Variants in PTCHD1 observed in about 807,000 individuals in gnomAD.
PTCHD1 encodes patched domain containing 1, also known as patched domain-containing protein 1.
Under a neutral mutation model 34.6 loss-of-function variants are expected in PTCHD1, and 3 were observed. The observed-to-expected ratio is 0.09, with a 90% confidence interval of 0.04 to 0.22. The LOEUF is 0.22. PTCHD1 is among the 10% of genes least tolerant of loss of function. The pLI is 1.00. For missense variants in PTCHD1, 504 were observed against 685.5 expected, an observed-to-expected ratio of 0.74 and a Z score of 2.96; for synonymous variants, 305 against 283.1, an observed-to-expected ratio of 1.08 and a Z score of -0.77.
At chrX:23,388,690 G>A (rs1205006674) in intron 2 of PTCHD1, among the ~76,000 whole-genome samples, 1 of 112,034 alleles carries the variant, frequency 8.9e-6, no homozygotes, top group Non-Finnish European at 1.9e-5. Context: ...AATTACCTGG[G>A]CGTGGTGGCA....
intron 2 of PTCHD1, among the ~76,000 whole-genome samples, chrX:23,381,012 T>C (rs1464478509): frequency 8.9e-6 from 1 of 112,040 alleles, no homozygotes; most frequent in East Asian, 2.8e-4. Flanking sequence ...TGAGAGCGCC[T>C]GCTACTCTCA....
In PTCHD1 at chrX:23,335,233, G is replaced by T; in HGVS notation, c.351+7G>T. The T allele has an allele frequency of 8.4e-7, 1 of 1,190,688 alleles. No homozygotes were observed. Among genetic ancestry groups the T allele is most frequent in the Non-Finnish European group, 1.1e-6 (1 of 876,354 alleles). On this transcript the variant is annotated splice_region_variant and intron_variant, in intron 1 of 2. Transcript: ENST00000379361. ...CACCGACCTGATCTTAAAGGTGAGA[G>T]GGGACGGGTGCGGGCAGACTCCGCC...
Position 23,347,485 on chromosome X carries a change from A to G in PTCHD1, c.351+12259A>G, listed in dbSNP as rs766638036. Among the ~76,000 whole-genome samples the G allele has an allele frequency of 4.4e-5, 5 of 112,387 alleles. No individual in the cohort carries two copies. The South Asian group carries it at 1.5e-3, about 33-fold the overall frequency. On this transcript the variant is annotated intron_variant, in intron 1 of 2. Transcript: ENST00000379361. ...GAGGAAATTAAAGCTTCTGGTACCT[A>G]TAGCTACAACAAACATTAAATACAT...
chrX:23,382,126 C>G (rs992682637), intron 2 of PTCHD1, among the ~76,000 whole-genome samples: 1 of 111,389 alleles, frequency 9.0e-6, no homozygotes, highest in Non-Finnish European at 1.9e-5. Flanking sequence ...GGCAAAAGGA[C>G]GCCGGAGCTA....
intron 2 of PTCHD1, among the ~76,000 whole-genome samples, chrX:23,392,070 C>CTTCCTTTTTTTT (rs1922848553): frequency 5.1e-5 from 2 of 39,480 alleles, no homozygotes; most frequent in African/African-American, 2.3e-4. Flanking sequence ...TTCTTTCTTT[C>CTTCCTTTTTTTT]TTTCTTTTTT....
chrX:23,402,268 C>T lies in PTCHD1; in HGVS notation c.*8083C>T, dbSNP rs754275503. 9.0e-6 allele frequency: 1 copy of T among 111,259 alleles called. No homozygotes were observed. Among genetic ancestry groups the T allele is most frequent in the South Asian group, 3.8e-4 (1 of 2,622 alleles). 9.2% of individuals were successfully genotyped at this position (111,259 alleles called of 1,213,427 possible). On this transcript the variant is annotated 3_prime_UTR_variant, in exon 3 of 3. Coordinates refer to ENST00000379361, the MANE Select transcript of PTCHD1 (RefSeq NM_173495.3). ...TCACACAAGCAACAGAAGAACTATC[C>T]AAGACTAGAAGCTTAGAAGCTTATA... is the stretch of plus-strand genomic sequence containing the variant.
intron 1 of PTCHD1, among the ~76,000 whole-genome samples, chrX:23,375,134 T>C (rs1293676156): frequency 8.9e-6 from 1 of 111,997 alleles, no homozygotes; most frequent in Admixed American, 9.4e-5. Flanking sequence ...TACCTGTTAA[T>C]ACTGCCATGT....
chrX:23,358,920 C>T (rs1921891230), intron 1 of PTCHD1, among the ~76,000 whole-genome samples: 1 of 112,316 alleles, frequency 8.9e-6, no homozygotes, highest in African/African-American at 3.2e-5. Flanking sequence ...TCCCACATTT[C>T]TTGTTCTTGT....
At position 23,374,313 on chromosome X, in the gene PTCHD1, A is replaced by C. The variant is rs1406321234; in HGVS notation, c.352-5278A>C. ...AAAAAAAAAAAAAAAAAAAAAACCC[A>C]AAACCCTGCAAGGTATTGTATAAGA... is the stretch of plus-strand genomic sequence containing the variant. On this transcript the variant is annotated intron_variant, in intron 1 of 2. Transcript: ENST00000379361. Among the ~76,000 whole-genome samples the C allele has an allele frequency of 8.1e-5, 8 of 99,229 alleles. 1 individual carries two copies. The highest frequency in any genetic ancestry group is 2.9e-4 in the African/African-American group (8 of 27,288). 86.2% of individuals were successfully genotyped at this position (99,229 alleles called of 115,157 possible).
intron 2 of PTCHD1, among the ~76,000 whole-genome samples, chrX:23,385,455 G>A (rs1922664228): frequency 2.7e-5 from 3 of 111,164 alleles, no homozygotes; most frequent in African/African-American, 9.8e-5. Flanking sequence ...CTACCCGGTC[G>A]TGCCCAGGGA....
In PTCHD1 at chrX:23,371,639, G is replaced by A. The variant is rs1017526511; in HGVS notation, c.352-7952G>A. Among the ~76,000 whole-genome samples the A allele has an allele frequency of 3.6e-5, 4 of 110,846 alleles. No homozygotes were observed. The Admixed American group carries it at 3.8e-4, about 11-fold the overall frequency. ...GTAAGGATGAGGGGATATGCGCAGG[G>A]CCCAGCTGTGTTATGAACAGAGGCA... On this transcript the variant is annotated intron_variant, in intron 1 of 2. Coordinates refer to ENST00000379361, the MANE Select transcript of PTCHD1 (RefSeq NM_173495.3).
chrX:23,348,317 T>C (rs1661482298), intron 1 of PTCHD1, among the ~76,000 whole-genome samples: 1 of 103,840 alleles, frequency 9.6e-6, no homozygotes, highest in Non-Finnish European at 2.0e-5. Flanking sequence ...TGAGACAGGG[T>C]TATCAAAATA....
chrX:23,389,551 G>C (rs764126641), intron 2 of PTCHD1, among the ~76,000 whole-genome samples: 1 of 112,123 alleles, frequency 8.9e-6, no homozygotes, highest in Non-Finnish European at 1.9e-5. Context: ...ATCTGCTCGA[G>C]AGGTGTGGCT....
chrX:23,385,626 C>T (rs1922668774), intron 2 of PTCHD1, among the ~76,000 whole-genome samples: 1 of 111,726 alleles, frequency 9.0e-6, no homozygotes, highest in African/African-American at 3.3e-5. Flanking sequence ...TATACAGAAG[C>T]TCACAACCGA....
intron 1 of PTCHD1, among the ~76,000 whole-genome samples, chrX:23,375,636 T>C (rs1922396531): frequency 9.0e-6 from 1 of 111,701 alleles, no homozygotes; most frequent in African/African-American, 3.3e-5. Context: ...CTGCTGAATT[T>C]GTTGGTGTAT....
rs201619979 is a variant in PTCHD1, at chrX:23,336,971, T to TC, written c.351+1753dup. On this transcript the variant is annotated intron_variant, in intron 1 of 2. Coordinates refer to ENST00000379361, the MANE Select transcript of PTCHD1 (RefSeq NM_173495.3). Reference sequence around the variant, plus strand: ...TTCAAGGTGACGTTTCCATTGCCTTTCCCCCCCCACCCACAAACCATCACA... The same window carrying TC: ...TTCAAGGTGACGTTTCCATTGCCTTTCCCCCCCCCACCCACAAACCATCACA... Among the ~76,000 whole-genome samples the TC allele has an allele frequency of 1.4e-3, 154 of 109,503 alleles. No homozygotes were observed. In the East Asian group the frequency reaches 0.028, roughly 20 times the overall value.
chrX:23,375,329 G>A (rs1420747145), intron 1 of PTCHD1, among the ~76,000 whole-genome samples: 1 of 95,055 alleles, frequency 1.1e-5, no homozygotes, highest in African/African-American at 4.2e-5. Flanking sequence ...TCGTTCTGTC[G>A]CCCAGGCGGG....
intron 1 of PTCHD1, among the ~76,000 whole-genome samples, chrX:23,370,413 G>A (rs955023776): frequency 1.4e-4 from 16 of 112,173 alleles, no homozygotes; most frequent in African/African-American, 4.5e-4. Flanking sequence ...CCTCTTTTCA[G>A]ATCAGGAAAG....
intron 1 of PTCHD1, among the ~76,000 whole-genome samples, chrX:23,355,255 A>T (rs1301833265): frequency 1.8e-5 from 2 of 111,770 alleles, no homozygotes; most frequent in African/African-American, 3.3e-5. Context: ...ACTGTCTTTT[A>T]CAGGGTGATC....
Sources: gnomAD v4.1 joint callset for allele counts (sites outside exome capture counted in the v4.1 genomes callset) on GRCh38, gnomAD v4.1.1 for gene constraint, MANE v1.5 for transcripts, NCBI Gene and HGNC (gene_info 2026-07-23, HGNC 2026-07-21) for gene names.